ZHX3: variants seen among roughly 807,000 people sequenced by gnomAD.
The protein encoded by ZHX3 is zinc fingers and homeoboxes protein 3.
Under a neutral mutation model 64.5 loss-of-function variants are expected in ZHX3, and 20 were observed. The ratio of observed to expected loss-of-function variants is 0.31; its 90% CI spans 0.22 to 0.45. ZHX3 has a LOEUF of 0.45. Among genes scored for constraint, ZHX3 ranks in the 20% least tolerant of loss-of-function variants. The pLI, the probability that ZHX3 is intolerant of heterozygous loss-of-function variation, is 1.00. For missense variants in ZHX3, 1,041 were observed against 1,195.8 expected (o/e 0.87, Z 1.91); for synonymous variants, 423 against 461.6 (o/e 0.92, Z 1.07).
chr20:41,285,258 G>C (rs188897890), intron 1 of ZHX3, among the ~76,000 whole-genome samples: 43 of 152,208 alleles, frequency 2.8e-4, no homozygotes, highest in African/African-American at 8.9e-4. Flanking sequence ...ATCAATATTG[G>C]TATATGAATG....
chr20:41,296,453 A>T (rs974786687), intron 1 of ZHX3, among the ~76,000 whole-genome samples: 1 of 152,112 alleles, frequency 6.6e-6, no homozygotes, highest in Non-Finnish European at 1.5e-5. Flanking sequence ...AGTTTTCCAC[A>T]TCTATAACAT....
chr20:41,208,315 G>T (rs2038889990), intron 2 of ZHX3, among the ~76,000 whole-genome samples: 1 of 152,186 alleles, frequency 6.6e-6, no homozygotes, highest in Admixed American at 6.5e-5. Flanking sequence ...CACAGAAAAA[G>T]AGGGAATCCT....
chr20:41,285,692 T>C (rs112277120), intron 1 of ZHX3, among the ~76,000 whole-genome samples: 12 of 152,312 alleles, frequency 7.9e-5, no homozygotes, highest in African/African-American at 2.4e-4. Flanking sequence ...GAAGCATGAA[T>C]TATAGGGTCA....
chr20:41,191,842 G>T (rs767316504), intron 3 of ZHX3, among the ~76,000 whole-genome samples: 2 of 152,214 alleles, frequency 1.3e-5, no homozygotes, highest in African/African-American at 4.8e-5. Flanking sequence ...TTTTGCTAAG[G>T]ACTGGAATGC....
intron 1 of ZHX3, among the ~76,000 whole-genome samples, chr20:41,305,240 C>T (rs2044940305): frequency 6.6e-6 from 1 of 152,212 alleles, no homozygotes; most frequent in Non-Finnish European, 1.5e-5. Context: ...AGAAAGTTGG[C>T]TGGGAGCGGT....
chr20:41,268,529 A>G (rs558495291), intron 2 of ZHX3, among the ~76,000 whole-genome samples: 1 of 152,356 alleles, frequency 6.6e-6, no homozygotes. Context: ...TATTCCACAG[A>G]TCCCAGAGAT....
At chr20:41,302,445 G>A (rs1216893608) in intron 1 of ZHX3, among the ~76,000 whole-genome samples, 1 of 152,164 alleles carries the variant, frequency 6.6e-6, no homozygotes, top group Admixed American at 6.5e-5. Context: ...CCAGGAACAA[G>A]TCCTAGGCCC....
At chr20:41,244,493 AG>A (rs1359056264) in intron 2 of ZHX3, among the ~76,000 whole-genome samples, 1 of 152,176 alleles carries the variant, frequency 6.6e-6, no homozygotes, top group Non-Finnish European at 1.5e-5. Flanking sequence ...CAATAGAGTA[AG>A]GCCCTGTATC....
intron 3 of ZHX3, among the ~76,000 whole-genome samples, chr20:41,194,753 TTTTA>T (rs748075232): frequency 6.6e-6 from 1 of 152,188 alleles, no homozygotes; most frequent in Admixed American, 6.5e-5. Context: ...TATTTTGGTT[TTTTA>T]TTTATTTGTC....
intron 2 of ZHX3, among the ~76,000 whole-genome samples, chr20:41,240,552 A>AC (rs2041312446): frequency 6.6e-6 from 1 of 152,130 alleles, no homozygotes; most frequent in Non-Finnish European, 1.5e-5. Context: ...TTATTTGTAA[A>AC]TGTACGATTA....
chr20:41,243,869 G>A (rs2041535270), intron 2 of ZHX3, among the ~76,000 whole-genome samples: 1 of 152,086 alleles, frequency 6.6e-6, no homozygotes, highest in Non-Finnish European at 1.5e-5. Flanking sequence ...ACTGGAGTGA[G>A]GATGAAGGAA....
chr20:41,230,818 C>T (rs974417305), intron 2 of ZHX3, among the ~76,000 whole-genome samples: 2 of 152,172 alleles, frequency 1.3e-5, no homozygotes, highest in Admixed American at 1.3e-4. Context: ...TATCAACATT[C>T]CCCACCAGAA....
intron 1 of ZHX3, among the ~76,000 whole-genome samples, chr20:41,287,480 T>TG (rs2043995355): frequency 6.6e-6 from 1 of 152,186 alleles, no homozygotes; most frequent in African/African-American, 2.4e-5. Context: ...AGGCCAGACT[T>TG]ACTGACTCAT....
At chr20:41,236,345 G>A (rs2040988219) in intron 2 of ZHX3, among the ~76,000 whole-genome samples, 1 of 152,180 alleles carries the variant, frequency 6.6e-6, no homozygotes, top group Non-Finnish European at 1.5e-5. Context: ...AAAGCTGGAG[G>A]CATCATGCTA....
In ZHX3 at chr20:41,201,148, G is replaced by A. The variant is rs2038184308; in HGVS notation, c.2860+909C>T. 2.0e-6 allele frequency: 1 copy of A among 512,718 alleles called. No homozygotes were observed. Among genetic ancestry groups the A allele is most frequent in the South Asian group, 2.3e-5 (1 of 43,776 alleles). The allele number at this position is 512,718 out of a possible 1,614,324, so 31.8% of individuals were successfully genotyped here. On this transcript the variant is annotated intron_variant, in intron 3 of 3. Coordinates refer to ENST00000683867, the MANE Select transcript of ZHX3 (RefSeq NM_001384317.1). The surrounding 1 kb of genome is among the most constrained non-coding windows in gnomAD (Gnocchi z 5.0). ...AGGCAGCTCATGCCAAAGTCACCACGGAACCATCACATTGCCCAACACCAC... is the reference window on the plus strand; with the variant it reads ...AGGCAGCTCATGCCAAAGTCACCACAGAACCATCACATTGCCCAACACCAC...
Position 41,203,808 on chromosome 20 carries a change from T to C in ZHX3, c.1109A>G (p.Asp370Gly). The change falls in exon 3 of 4, where the codon GAT (aspartate) becomes GGT (glycine). Residue 370 changes from aspartate (D) to glycine (G), a missense_variant. Transcript: ENST00000683867. The surrounding 1 kb of genome is among the most constrained non-coding windows in gnomAD (Gnocchi z 7.1). ...TGTATTGAACATCTTTTTCCGGGCA[T>C]CCTCAATCTCCTCAGGGGACCAGCT... ...GISWSPEEIE[D>G]ARKKMFNTVI... The C allele has an allele frequency of 6.2e-7, 1 of 1,614,236 alleles. No individual in the cohort carries two copies. Among genetic ancestry groups the C allele is most frequent in the East Asian group, 2.2e-5 (1 of 44,890 alleles).
intron 2 of ZHX3, among the ~76,000 whole-genome samples, chr20:41,229,373 C>A (rs2040459104): frequency 6.6e-6 from 1 of 152,164 alleles, no homozygotes; most frequent in Non-Finnish European, 1.5e-5. Context: ...CATGGACATA[C>A]AATCTCTTTG....
chr20:41,264,121 T>C (rs2042702353), intron 2 of ZHX3, among the ~76,000 whole-genome samples: 1 of 151,740 alleles, frequency 6.6e-6, no homozygotes, highest in African/African-American at 2.4e-5. Context: ...AAAAATCAAA[T>C]AACTAGGCCA....
At chr20:41,187,455 A>G (rs1007329262) in intron 3 of ZHX3, among the ~76,000 whole-genome samples, 1 of 151,908 alleles carries the variant, frequency 6.6e-6, no homozygotes, top group Non-Finnish European at 1.5e-5. Flanking sequence ...ATTTCTGTAT[A>G]TAGTACAAGG....
Sources: gnomAD v4.1 joint callset for allele counts (sites outside exome capture counted in the v4.1 genomes callset) on GRCh38, gnomAD v4.1.1 for gene constraint, Gnocchi (gnomAD v3.1) non-coding constraint, MANE v1.5 for transcripts, NCBI Gene and HGNC (gene_info 2026-07-23, HGNC 2026-07-21) for gene names.